GATAD2B: variants seen among roughly 807,000 people sequenced by gnomAD.
GATAD2B encodes the protein GATA zinc finger domain containing 2B.
In GATAD2B, 8 loss-of-function variants were observed where a neutral mutation model predicts 64.3. That is an observed-to-expected ratio of 0.12 (90% confidence interval 0.07 to 0.22). The LOEUF (loss-of-function observed/expected upper bound fraction) is 0.22, where lower values mean the gene tolerates loss of function less well. Among genes scored for constraint, GATAD2B ranks in the 10% least tolerant of loss-of-function variants. The pLI, the probability that GATAD2B is intolerant of heterozygous loss-of-function variation, is 1.00. For synonymous variants in GATAD2B, 281 were observed against 271.3 expected (o/e 1.04, Z -0.35); for missense variants, 453 against 752.0 (o/e 0.60, Z 4.65).
intron 1 of GATAD2B, among the ~76,000 whole-genome samples, chr1:153,902,327 A>AAGCCTATC (rs1677804916): frequency 6.6e-6 from 1 of 152,188 alleles, no homozygotes; most frequent in African/African-American, 2.4e-5. Flanking sequence ...AGGATTTGGT[A>AAGCCTATC]AGCCTATCAT....
At chr1:153,892,312 A>C (rs1677439626) in intron 1 of GATAD2B, among the ~76,000 whole-genome samples, 1 of 152,234 alleles carries the variant, frequency 6.6e-6, no homozygotes, top group Non-Finnish European at 1.5e-5. Flanking sequence ...CCACTAGTTA[A>C]GGTAAGACAC....
At chr1:153,839,714 A>T (rs1228840804) in intron 1 of GATAD2B, among the ~76,000 whole-genome samples, 1 of 152,170 alleles carries the variant, frequency 6.6e-6, no homozygotes, top group East Asian at 1.9e-4. Flanking sequence ...TCACACCTGT[A>T]ATCCCAGCAT....
At chr1:153,867,623 G>C (rs1676523024) in intron 1 of GATAD2B, among the ~76,000 whole-genome samples, 1 of 152,104 alleles carries the variant, frequency 6.6e-6, no homozygotes, top group African/African-American at 2.4e-5. Flanking sequence ...ACTTTGGGAG[G>C]CTGAGGCGGG....
intron 1 of GATAD2B, among the ~76,000 whole-genome samples, chr1:153,906,158 T>A (rs1677923057): frequency 6.6e-6 from 1 of 150,430 alleles, no homozygotes; most frequent in Non-Finnish European, 1.5e-5. Context: ...ACCTGTAGTC[T>A]CAGCACTTGG....
In GATAD2B at chr1:153,805,746, A is replaced by G. The variant is rs1007983926; in HGVS notation, c.*4431T>C. 2.0e-5 allele frequency: 3 copies of G among 152,196 alleles called. No individual in the cohort carries two copies. Among genetic ancestry groups the G allele is most frequent in the African/African-American group, 7.2e-5 (3 of 41,448 alleles). 9.4% of individuals were successfully genotyped at this position (152,196 alleles called of 1,614,324 possible). A position where few individuals can be genotyped will look rare whatever the true frequency, so the allele number is the denominator to read the frequency against. ...CTTCACTTCACAGATAAGAAAATTG[A>G]TACTCAGAAAATTAACTCTACCAAA... On this transcript the variant is annotated 3_prime_UTR_variant, in exon 11 of 11. Coordinates refer to ENST00000368655, the MANE Select transcript of GATAD2B (RefSeq NM_020699.4).
rs71093297 is a variant in GATAD2B, at chr1:153,878,774, CTTTTTTTT to C, written c.-2+43951_-2+43958del. Among the ~76,000 whole-genome samples, 23 of 108,142 alleles carry C rather than the reference CTTTTTTTT, an allele frequency of 2.1e-4. No homozygotes were observed. In the South Asian group the frequency reaches 7.1e-3, roughly 33 times the overall value. 70.9% of individuals were successfully genotyped at this position (108,142 alleles called of 152,430 possible). On this transcript the variant is annotated intron_variant, in intron 1 of 10. Transcript: ENST00000368655. ...TAACAGTGTGACCCATACTTTATTC[CTTTTTTTT>C]TTTTTTTTTTTTTGAGACAGAGTAT...
At chr1:153,922,270 A>G (rs1678468071) in intron 1 of GATAD2B, among the ~76,000 whole-genome samples, 1 of 149,470 alleles carries the variant, frequency 6.7e-6, no homozygotes, top group South Asian at 2.1e-4. Flanking sequence ...TGAGGGCACC[A>G]CTGGGGGTGG....
intron 1 of GATAD2B, among the ~76,000 whole-genome samples, chr1:153,873,393 A>G (rs962348708): frequency 3.3e-5 from 5 of 152,222 alleles, no homozygotes; most frequent in Admixed American, 1.3e-4. Context: ...TTGGTGCCCA[A>G]TGCAGGCGTG....
At chr1:153,815,293 C>CAAA (rs71093285) in intron 7 of GATAD2B, among the ~76,000 whole-genome samples, 1 of 111,842 alleles carries the variant, frequency 8.9e-6, no homozygotes, top group Non-Finnish European at 1.8e-5. Flanking sequence ...AAAAAAAAAA[C>CAAA]AAAAAAAAAA....
intron 1 of GATAD2B, chr1:153,914,772 A>G (rs1678213416): frequency 6.6e-6 from 1 of 152,396 alleles, no homozygotes; most frequent in African/African-American, 2.4e-5. Flanking sequence ...CATCTCTACA[A>G]AAAATTTAAA....
At chr1:153,841,400 G>A (rs762800003) in intron 1 of GATAD2B, among the ~76,000 whole-genome samples, 1 of 152,076 alleles carries the variant, frequency 6.6e-6, no homozygotes, top group African/African-American at 2.4e-5. Context: ...ATCACCTCAA[G>A]GAGCCCTCGT....
intron 1 of GATAD2B, among the ~76,000 whole-genome samples, chr1:153,866,294 T>C (rs1346872689): frequency 6.6e-6 from 1 of 151,948 alleles, no homozygotes; most frequent in Non-Finnish European, 1.5e-5. Flanking sequence ...GCTAATCCAG[T>C]AGCAGCCTAG....
chr1:153,867,860 A>C (rs1348481586), intron 1 of GATAD2B, among the ~76,000 whole-genome samples: 1 of 151,758 alleles, frequency 6.6e-6, no homozygotes, highest in African/African-American at 2.4e-5. Flanking sequence ...ACTCCGTCTC[A>C]AAAAACAACA....
At chr1:153,894,752 C>T (rs1019855872) in intron 1 of GATAD2B, among the ~76,000 whole-genome samples, 2 of 152,214 alleles carry the variant, frequency 1.3e-5, no homozygotes, top group South Asian at 2.1e-4. Context: ...GTCCCAGCTA[C>T]TTGGCAGGCT....
Position 153,813,428 on chromosome 1 carries a change from C to T in GATAD2B, c.1241G>A (p.Arg414Gln), listed in dbSNP as rs1057521041. Residue 414 changes from arginine to glutamine, a missense_variant, in exon 8 of 11, where the codon CGG (arginine) becomes CAG (glutamine). Arg to Gln is a conservative substitution (Grantham distance 43, BLOSUM62 1). Transcript: ENST00000368655. Reference sequence around the variant, plus strand: ...CTGGGCACATACAAAGGGTTCAACCCGCAGAAGTGAGGCACAGCTTTTGCC... The same window carrying T: ...CTGGGCACATACAAAGGGTTCAACCTGCAGAAGTGAGGCACAGCTTTTGCC... Reference protein sequence around the residue: ...SQGKSCASLLRVEPFVCAQCR... With the variant: ...SQGKSCASLLQVEPFVCAQCR... 1 of 1,613,982 alleles carries T rather than the reference C, an allele frequency of 6.2e-7. No individual in the cohort carries two copies. The highest frequency in any genetic ancestry group is 1.3e-5 in the African/African-American group (1 of 75,010).
At chr1:153,859,809 G>A (rs535543298) in intron 1 of GATAD2B, among the ~76,000 whole-genome samples, 3 of 150,662 alleles carry the variant, frequency 2.0e-5, no homozygotes, top group Non-Finnish European at 2.9e-5. Context: ...CTTTAATAGC[G>A]TCCTAGTTTG....
At chr1:153,879,635 G>T (rs927135486) in intron 1 of GATAD2B, among the ~76,000 whole-genome samples, 3 of 151,700 alleles carry the variant, frequency 2.0e-5, no homozygotes, top group Non-Finnish European at 4.4e-5. Context: ...TGGTGGCGCA[G>T]GCCTGTAGTC....
At chr1:153,878,425 T>A (rs1258861805) in intron 1 of GATAD2B, among the ~76,000 whole-genome samples, 2 of 152,024 alleles carry the variant, frequency 1.3e-5, no homozygotes, top group Non-Finnish European at 2.9e-5. Flanking sequence ...TGTGACCAGC[T>A]CATCCTACAA....
At chr1:153,879,998 A>G (rs532326974) in intron 1 of GATAD2B, among the ~76,000 whole-genome samples, 1 of 152,154 alleles carries the variant, frequency 6.6e-6, no homozygotes. Flanking sequence ...GGGAAAGAAT[A>G]CCGCATTTTG....
Sources: gnomAD v4.1 joint callset for allele counts (sites outside exome capture counted in the v4.1 genomes callset) on GRCh38, gnomAD v4.1.1 for gene constraint, MANE v1.5 for transcripts, NCBI Gene and HGNC (gene_info 2026-07-23, HGNC 2026-07-21) for gene names.